Variants in ZBTB5 observed in about 807,000 individuals in gnomAD.
The protein encoded by ZBTB5 is zinc finger and BTB domain-containing protein 5.
ZBTB5 carries 15 observed loss-of-function variants against 37.9 expected under a neutral mutation model. That is an observed-to-expected ratio of 0.40 (90% CI 0.26 to 0.61). The LOEUF (loss-of-function observed/expected upper bound fraction) is 0.61, where lower values mean the gene tolerates loss of function less well. ZBTB5 is among the 20% of genes least tolerant of loss of function. The pLI, the probability that ZBTB5 is intolerant of heterozygous loss-of-function variation, is 0.47. For missense variants in ZBTB5, 708 were observed against 856.8 expected (o/e 0.83, Z 2.17); for synonymous variants, 315 against 312.4 (o/e 1.01, Z -0.09).
chr9:37,441,193 C>T lies in ZBTB5; in HGVS notation c.1359G>A (p.Gly453=). The change falls in exon 2 of 2, where the codon GGG becomes GGA. Residue 453 remains glycine (G), a synonymous_variant. Coordinates refer to ENST00000307750, the MANE Select transcript of ZBTB5 (RefSeq NM_014872.3). The part of the protein sequence containing the change: ...EAPYLLSPEA[G]PAGGPSSAPG... ...GGGCAGAGGAGGGCCCACCTGCAGG[C>T]CCAGCCTCTGGACTCAACAAATAGG... The T allele has an allele frequency of 6.2e-7, 1 of 1,614,056 alleles. No individual in the cohort carries two copies. The highest frequency in any genetic ancestry group is 8.5e-7 in the Non-Finnish European group (1 of 1,179,988).
At chr9:37,446,086 G>A (rs980489435) in intron 1 of ZBTB5, among the ~76,000 whole-genome samples, 3 of 152,126 alleles carry the variant, frequency 2.0e-5, no homozygotes, top group African/African-American at 7.2e-5. Context: ...CAACCTGGGC[G>A]ACAGAGCAAG....
At chr9:37,463,068 T>A (rs1233526151) in intron 1 of ZBTB5, among the ~76,000 whole-genome samples, 1 of 152,164 alleles carries the variant, frequency 6.6e-6, no homozygotes, top group Non-Finnish European at 1.5e-5. Context: ...GTTTGGGATG[T>A]CAAGATAAAT....
intron 1 of ZBTB5, among the ~76,000 whole-genome samples, chr9:37,450,270 A>C (rs1296900526): frequency 2.0e-5 from 3 of 152,060 alleles, no homozygotes; most frequent in Non-Finnish European, 4.4e-5. Flanking sequence ...TTGGCCCGAG[A>C]CAACGAACCC....
At chr9:37,463,483 T>C (rs950917861) in intron 1 of ZBTB5, among the ~76,000 whole-genome samples, 1 of 152,232 alleles carries the variant, frequency 6.6e-6, no homozygotes, top group Non-Finnish European at 1.5e-5. Context: ...CCAAAACGAA[T>C]GTGAGCCAGA....
At position 37,440,858 on chromosome 9, in the gene ZBTB5, TTCA is replaced by T. The variant is rs776491954; in HGVS notation, c.1691_1693del (p.Met564del). The T allele has an allele frequency of 1.2e-6, 2 of 1,614,212 alleles. No individual in the cohort carries two copies. Among genetic ancestry groups the T allele is most frequent in the Non-Finnish European group, 1.7e-6 (2 of 1,180,028 alleles). ...ATTTTCAAATGAGGACGTAGCTCCA[TTCA>T]TCATTAGCTGAGAACTGGTAGAGTT... is the stretch of plus-strand genomic sequence containing the variant. On this transcript the variant is annotated inframe_deletion, in exon 2 of 2. Coordinates refer to ENST00000307750, the MANE Select transcript of ZBTB5 (RefSeq NM_014872.3).
chr9:37,447,202 A>G (rs1444029211), intron 1 of ZBTB5, among the ~76,000 whole-genome samples: 2 of 152,222 alleles, frequency 1.3e-5, no homozygotes, highest in African/African-American at 4.8e-5. Flanking sequence ...CCTTCTTCAC[A>G]TGGTGGCAGA....
At position 37,440,485 on chromosome 9, in the gene ZBTB5, C is replaced by A; in HGVS notation, c.*33G>T. On this transcript the variant is annotated 3_prime_UTR_variant, in exon 2 of 2. Transcript: ENST00000307750. Reference sequence around the variant, plus strand: ...TACCAAAAGAAATTCAGTCTGACAACTGGCCTCAGCGTTGTCTTGTAAGGA... The same window carrying A: ...TACCAAAAGAAATTCAGTCTGACAAATGGCCTCAGCGTTGTCTTGTAAGGA... 3.1e-6 allele frequency: 5 copies of A among 1,593,890 alleles called. No homozygotes were observed. Among genetic ancestry groups the A allele is most frequent in the Non-Finnish European group, 3.4e-6 (4 of 1,165,098 alleles).
At chr9:37,443,634 AAAAC>A (rs1482155337) in intron 1 of ZBTB5, among the ~76,000 whole-genome samples, 1 of 152,178 alleles carries the variant, frequency 6.6e-6, no homozygotes, top group Non-Finnish European at 1.5e-5. Flanking sequence ...AAAAAAAACA[AAAAC>A]AAAAAAACAC....
At chr9:37,445,578 A>G (rs947781313) in intron 1 of ZBTB5, among the ~76,000 whole-genome samples, 4 of 151,862 alleles carry the variant, frequency 2.6e-5, no homozygotes. Flanking sequence ...GCCCGGAGTC[A>G]GAACTTGCAG....
intron 1 of ZBTB5, among the ~76,000 whole-genome samples, chr9:37,456,974 TCACA>T (rs1289554001): frequency 6.6e-6 from 1 of 152,196 alleles, no homozygotes; most frequent in Non-Finnish European, 1.5e-5. Flanking sequence ...CCTTAAGCCC[TCACA>T]CAGTCTTTTG....
At chr9:37,453,251 A>G (rs899211975) in intron 1 of ZBTB5, among the ~76,000 whole-genome samples, 3 of 152,134 alleles carry the variant, frequency 2.0e-5, no homozygotes, top group African/African-American at 7.2e-5. Flanking sequence ...GTGCTGGCAC[A>G]GTTATAGCTC....
At chr9:37,446,106 CAAAT>C (rs1475844156) in intron 1 of ZBTB5, among the ~76,000 whole-genome samples, 1 of 151,356 alleles carries the variant, frequency 6.6e-6, no homozygotes, top group African/African-American at 2.4e-5. Context: ...GTCTCTGTCT[CAAAT>C]AAATAAATAC....
intron 1 of ZBTB5, among the ~76,000 whole-genome samples, chr9:37,462,081 C>T (rs1475635109): frequency 6.6e-6 from 1 of 152,140 alleles, no homozygotes; most frequent in Non-Finnish European, 1.5e-5. Flanking sequence ...ATCCTCCTGC[C>T]TCAGACTCCC....
chr9:37,440,438 G>C lies in ZBTB5; in HGVS notation c.*80C>G, dbSNP rs961365002. 3.1e-6 allele frequency: 4 copies of C among 1,294,304 alleles called. No homozygotes were observed. The highest frequency in any genetic ancestry group is 4.3e-6 in the Non-Finnish European group (4 of 933,494). 80.2% of individuals were successfully genotyped at this position (1,294,304 alleles called of 1,614,324 possible). The stretch of plus-strand genomic sequence containing the variant: ...GAGCCACTGGGCAGCTGGAAGCCTC[G>C]AACCCAAAGGCATTAACTGCTTACC... On this transcript the variant is annotated 3_prime_UTR_variant, in exon 2 of 2. Transcript: ENST00000307750.
In ZBTB5 at chr9:37,442,567, CAAAG is replaced by C. The variant is rs1179482497; in HGVS notation, c.-4-16_-4-13del. 34 of 1,576,094 alleles carry C rather than the reference CAAAG, an allele frequency of 2.2e-5. No homozygotes were observed. Among genetic ancestry groups the C allele is most frequent in the Admixed American group, 3.7e-5 (2 of 54,584 alleles). ...GAAAATCCATGATCCTACAGAAAAA[CAAAG>C]AAAGAAAATGTTAAGACCTAGAAAA... On this transcript the variant is annotated splice_polypyrimidine_tract_variant and intron_variant, in intron 1 of 1. Transcript: ENST00000307750.
chr9:37,457,768 G>A (rs978786757), intron 1 of ZBTB5, among the ~76,000 whole-genome samples: 13 of 152,230 alleles, frequency 8.5e-5, no homozygotes, highest in Non-Finnish European at 1.6e-4. Context: ...CTAGGTCTTG[G>A]TTGGATTTGG....
At chr9:37,461,220 TTTCCTGGTCTTCC>T (rs1324522114) in intron 1 of ZBTB5, among the ~76,000 whole-genome samples, 1 of 152,226 alleles carries the variant, frequency 6.6e-6, no homozygotes, top group Non-Finnish European at 1.5e-5. Context: ...TGGATTTTGT[TTTCCTGGTCTTCC>T]TTCCTCAAAT....
intron 1 of ZBTB5, among the ~76,000 whole-genome samples, chr9:37,455,206 G>A (rs894328979): frequency 5.9e-5 from 9 of 152,112 alleles, no homozygotes; most frequent in African/African-American, 1.2e-4. Context: ...TAAGAGCAGC[G>A]TGGCCAAGGA....
chr9:37,461,272 G>A (rs894487229), intron 1 of ZBTB5, among the ~76,000 whole-genome samples: 1 of 152,100 alleles, frequency 6.6e-6, no homozygotes, highest in Admixed American at 6.5e-5. Flanking sequence ...TAAACCATAA[G>A]GACTATAAAG....
Sources: allele counts gnomAD v4.1 joint callset (sites outside exome capture counted in the v4.1 genomes callset), GRCh38; gene constraint gnomAD v4.1.1; transcripts MANE v1.5; gene names NCBI Gene and HGNC (gene_info 2026-07-23, HGNC 2026-07-21).